Variants in CRIP2 observed in about 807,000 individuals in gnomAD.
The protein encoded by CRIP2 is cysteine rich protein 2, also known as cysteine-rich protein 2.
Under a neutral mutation model 31.3 loss-of-function variants are expected in CRIP2, and 31 were observed. The observed-to-expected ratio is 0.99, with a 90% CI of 0.74 to 1.34. The LOEUF (loss-of-function observed/expected upper bound fraction) is 1.34, where lower values mean the gene tolerates loss of function less well. CRIP2 is among the 40% of genes most tolerant of loss of function. The pLI is 0.00. For synonymous variants in CRIP2, 177 were observed against 127.2 expected, an observed-to-expected ratio of 1.39 and a Z score of -2.63; for missense variants, 389 against 301.6, an observed-to-expected ratio of 1.29 and a Z score of -2.15.
rs2084003625 is a variant in CRIP2 at position 105,478,482 on chromosome 14, C to T, written c.171C>T (p.Cys57=). ...HDGKPFCHKP[C]YATLFGPKGV... The stretch of plus-strand genomic sequence containing the variant: ...GGAAGCCGTTCTGCCACAAGCCGTG[C>T]TACGCCACCCTGTTCGGACCCAAAG... Residue 57 remains cysteine (C), a synonymous_variant, in exon 3 of 8, where the codon TGC becomes TGT. Coordinates refer to ENST00000329146, the MANE Select transcript of CRIP2 (RefSeq NM_001312.4). The surrounding 1 kb of genome is among the most constrained non-coding windows in gnomAD (Gnocchi z 4.9). The T allele has an allele frequency of 1.2e-6, 2 of 1,608,864 alleles. No homozygotes were observed. The highest frequency in any genetic ancestry group is 2.7e-5 in the African/African-American group (2 of 74,960).
rs1002460344 is a variant in CRIP2, at chr14:105,479,338, T to C, written c.502-98T>C. 2.1e-5 allele frequency: 32 copies of C among 1,559,482 alleles called. No individual in the cohort carries two copies. In the East Asian group the frequency reaches 6.3e-4, roughly 31 times the overall value. ...TGCTTCTGGGAGCTGCGCTGCCCTC[T>C]CCCCCACGGCGAGCCGGCCTGCACG... On this transcript the variant is annotated intron_variant, in intron 6 of 7. Coordinates refer to ENST00000329146, the MANE Select transcript of CRIP2 (RefSeq NM_001312.4).
chr14:105,477,818 CGTGTGGGGGAGGCGGGT>C (rs1308803359), intron 1 of CRIP2, among the ~76,000 whole-genome samples: 1 of 30,256 alleles, frequency 3.3e-5, no homozygotes. Context: ...GGGAGGCGGG[CGTGTGGGGGAGGCGGGT>C]GTGAGGCGGG....
At chr14:105,476,107 T>C (rs1157806688) in intron 1 of CRIP2, 6 of 985,322 alleles carry the variant, frequency 6.1e-6, no homozygotes, top group Non-Finnish European at 6.0e-6. Flanking sequence ...CAGCCCTCAG[T>C]CTCTGTCCCA....
At chr14:105,473,042 CA>C, upstream of CRIP2, 1 of 13,000 alleles carries the variant, frequency 7.7e-5, no homozygotes, top group South Asian at 0.028. Context: ...GCAAGCCCCA[CA>C]GGTAGCAAGC....
intron 6 of CRIP2, 54 bp downstream of exon 6, chr14:105,479,273 G>T (rs975691685): frequency 2.0e-6 from 3 of 1,524,204 alleles, no homozygotes; most frequent in Non-Finnish European, 2.7e-6. Context: ...GGGTCGGGGG[G>T]ATGAGGGTGA....
In CRIP2 at chr14:105,479,194, C is replaced by CA; in HGVS notation, c.477dup (p.Leu160ThrfsTer40). 1 of 1,611,414 alleles carries CA rather than the reference C, an allele frequency of 6.2e-7. No homozygotes were observed. The highest frequency in any genetic ancestry group is 8.5e-7 in the Non-Finnish European group (1 of 1,179,428). On this transcript the variant is annotated frameshift_variant, in exon 6 of 8. Coordinates refer to ENST00000329146, the MANE Select transcript of CRIP2 (RefSeq NM_001312.4). LOFTEE classifies it high-confidence loss of function. ...CTGCGCTGCGAGCGCTGCGGGAAGA[C>CA]ACTGACCCCCGGCGGGCACGCGGAG...
chr14:105,475,717 C>A, intron 1 of CRIP2: 2 of 658,664 alleles, frequency 3.0e-6, no homozygotes, highest in Non-Finnish European at 3.8e-6. Flanking sequence ...GCGCTCCCCC[C>A]GTCTGGGCTT....
rs1281035300 is a variant in CRIP2, at chr14:105,478,850, C to A, written c.316C>A (p.Pro106Thr). The A allele has an allele frequency of 2.2e-5, 31 of 1,425,070 alleles. No individual in the cohort carries two copies. Among genetic ancestry groups the A allele is most frequent in the Non-Finnish European group, 2.7e-5 (30 of 1,100,220 alleles). The allele number at this position is 1,425,070 out of a possible 1,614,324, so 88.3% of individuals were successfully genotyped here. A position where few individuals can be genotyped will look rare whatever the true frequency, so the allele number is the denominator to read the frequency against. ...ARAEERKASGPPKGPSRASSV... is the reference protein window; with the variant it reads ...ARAEERKASGTPKGPSRASSV... ...AGCAGAGGAGCGGAAGGCGAGCGGC[C>A]CCCCGAAGGGGCCCAGCAGAGGTGG... Residue 106 changes from proline (P) to threonine (T), a missense_variant, in exon 4 of 8, where the codon CCC becomes ACC. Pro to Thr is a conservative substitution (Grantham distance 38). Transcript: ENST00000329146. This position sits in a 1 kb window ranked among gnomAD's most constrained non-coding sequence, Gnocchi z 4.9.
intron 1 of CRIP2, chr14:105,475,805 G>T: frequency 1.0e-6 from 1 of 984,334 alleles, no homozygotes; most frequent in Non-Finnish European, 1.2e-6. Context: ...TCTCCAGGGT[G>T]GTAAGGTCCC....
rs1443110116 is a variant in CRIP2 at position 105,478,760 on chromosome 14, A to G, written c.226A>G (p.Ile76Val). The change falls in exon 4 of 8, where the codon ATC (isoleucine) becomes GTC (valine). Residue 76 changes from isoleucine to valine, a missense_variant. Physicochemically the swap from Ile to Val is conservative, Grantham distance 29. Coordinates refer to ENST00000329146, the MANE Select transcript of CRIP2 (RefSeq NM_001312.4). The surrounding 1 kb of genome is among the most constrained non-coding windows in gnomAD (Gnocchi z 4.9). Reference sequence around the variant, plus strand: ...GAACATCGGGGGCGCGGGCTCCTACATCTACGAGAAGCCCCTGGCGGAGGG... The same window carrying G: ...GAACATCGGGGGCGCGGGCTCCTACGTCTACGAGAAGCCCCTGGCGGAGGG... ...GVNIGGAGSY[I>V]YEKPLAEGPQ... 2 of 1,429,564 alleles carry G rather than the reference A, an allele frequency of 1.4e-6. No homozygotes were observed. Among genetic ancestry groups the G allele is most frequent in the Non-Finnish European group, 1.8e-6 (2 of 1,097,498 alleles). 88.6% of individuals were successfully genotyped at this position (1,429,564 alleles called of 1,614,324 possible).
rs1555436205 is a variant in CRIP2 at position 105,477,882 on chromosome 14, TGGAG to T, written c.44-383_44-380del. ...CAGGTGTTGGAGCGCGGGCAGGTGT[TGGAG>T]CGCGGGCAGGTGTTGGAGCGCGGGC... On this transcript the variant is annotated intron_variant, in intron 1 of 7. Transcript: ENST00000329146. Among the ~76,000 whole-genome samples, 6 of 22,334 alleles carry T rather than the reference TGGAG, an allele frequency of 2.7e-4. 1 individual carries two copies. The Non-Finnish European group carries it at 9.2e-3, about 34-fold the overall frequency. The allele number at this position is 22,334 out of a possible 152,430, so 14.7% of individuals were successfully genotyped here. A position where few individuals can be genotyped will look rare whatever the true frequency, so the allele number is the denominator to read the frequency against.
Position 105,478,829 on chromosome 14 carries a change from G to C in CRIP2, c.295G>C (p.Glu99Gln). The C allele has an allele frequency of 7.0e-7, 1 of 1,430,784 alleles. No individual in the cohort carries two copies. The allele number at this position is 1,430,784 out of a possible 1,614,324, so 88.6% of individuals were successfully genotyped here. Residue 99 changes from glutamate to glutamine, a missense_variant, in exon 4 of 8, where the codon GAG becomes CAG. Transcript: ENST00000329146. The surrounding 1 kb of genome is among the most constrained non-coding windows in gnomAD (Gnocchi z 4.9). ...GPIEVPAARAEERKASGPPKG... is the reference protein window; with the variant it reads ...GPIEVPAARAQERKASGPPKG... Reference sequence around the variant, plus strand: ...CATCGAGGTCCCCGCGGCCCGAGCAGAGGAGCGGAAGGCGAGCGGCCCCCC... The same window carrying C: ...CATCGAGGTCCCCGCGGCCCGAGCACAGGAGCGGAAGGCGAGCGGCCCCCC...
intron 1 of CRIP2, chr14:105,477,552 G>T (rs587718318): frequency 3.7e-5 from 36 of 984,160 alleles, no homozygotes; most frequent in Non-Finnish European, 4.0e-5. Flanking sequence ...TGCGAGGCAG[G>T]TGTGAGAGGG....
chr14:105,477,846 T>C (rs587754108), intron 1 of CRIP2, among the ~76,000 whole-genome samples: 2 of 68,884 alleles, frequency 2.9e-5, no homozygotes, highest in Admixed American at 3.3e-4. Context: ...GTGAGGCGGG[T>C]GTCCGGGAGG....
chr14:105,478,610 A>C lies in CRIP2; in HGVS notation c.196+103A>C, dbSNP rs1448556367. On this transcript the variant is annotated intron_variant, in intron 3 of 7. Coordinates refer to ENST00000329146, the MANE Select transcript of CRIP2 (RefSeq NM_001312.4). This position sits in a 1 kb window ranked among gnomAD's most constrained non-coding sequence, Gnocchi z 4.9. ...TCCCGGCCGCCGTGGATCCCCGCCC[A>C]GAGTCCCTGCCACCCTGGAAAGCCT... 5.3e-6 allele frequency: 8 copies of C among 1,516,326 alleles called. No homozygotes were observed. In the African/African-American group the frequency reaches 1.1e-4, roughly 21 times the overall value. The allele number at this position is 1,516,326 out of a possible 1,614,324, so 93.9% of individuals were successfully genotyped here. A position where few individuals can be genotyped will look rare whatever the true frequency, so the allele number is the denominator to read the frequency against.
upstream of CRIP2, chr14:105,474,367 T>G (rs1555435288): frequency 6.8e-6 from 1 of 146,852 alleles, no homozygotes; most frequent in Non-Finnish European, 1.5e-5. This position sits in a 1 kb window ranked among gnomAD's most constrained non-coding sequence, Gnocchi z 5.1. Flanking sequence ...CGCGGCGGGG[T>G]GGGGGTGGGG....
At position 105,474,934 on chromosome 14, in the gene CRIP2, C is replaced by A; in HGVS notation, c.43+29C>A. On this transcript the variant is annotated intron_variant, in intron 1 of 7. Transcript: ENST00000329146. This position sits in a 1 kb window ranked among gnomAD's most constrained non-coding sequence, Gnocchi z 5.1. ...AGTGCGTGCCCGCTCCCGGCCCGCT[C>A]GGTGCATCCCGCCGCCCTTCGCGGC... 6.7e-7 allele frequency: 1 copy of A among 1,488,378 alleles called. No homozygotes were observed. The highest frequency in any genetic ancestry group is 8.9e-7 in the Non-Finnish European group (1 of 1,117,348). 92.2% of individuals were successfully genotyped at this position (1,488,378 alleles called of 1,614,324 possible).
Position 105,479,632 on chromosome 14 carries a change from C to T in CRIP2, c.606C>T (p.Pro202=), listed in dbSNP as rs201991904. The change falls in exon 8 of 8, where the codon CCC becomes CCT. Residue 202 remains proline (P), a synonymous_variant. Coordinates refer to ENST00000329146, the MANE Select transcript of CRIP2 (RefSeq NM_001312.4). ...GCAGCTACATCTATGACCGGGACCC[C>T]GAAGGCAAGGTCCAGCCCTAGGCTA... ...AVGSYIYDRD[P]EGKVQP 9.3e-6 allele frequency: 15 copies of T among 1,612,482 alleles called. No homozygotes were observed. The highest frequency in any genetic ancestry group is 8.9e-5 in the East Asian group (4 of 44,886).
Position 105,479,725 on chromosome 14 carries a change from C to T in CRIP2, c.*72C>T. ...GCAGGGGCCCCCCTGCTTGGCTCTG[C>T]TGGGAGAGTGCTCAGCCGCCCAGTC... On this transcript the variant is annotated 3_prime_UTR_variant, in exon 8 of 8. Transcript: ENST00000329146. 2.0e-6 allele frequency: 3 copies of T among 1,504,786 alleles called. No homozygotes were observed. The highest frequency in any genetic ancestry group is 1.8e-6 in the Non-Finnish European group (2 of 1,108,124). 93.2% of individuals were successfully genotyped at this position (1,504,786 alleles called of 1,614,324 possible).
Sources: gnomAD v4.1 joint callset for allele counts (sites outside exome capture counted in the v4.1 genomes callset) on GRCh38, gnomAD v4.1.1 for gene constraint, Gnocchi (gnomAD v3.1) non-coding constraint, MANE v1.5 for transcripts, NCBI Gene and HGNC (gene_info 2026-07-23, HGNC 2026-07-21) for gene names.